The following KCTD3 variants were observed in gnomAD, a reference collection of about 807,000 sequenced individuals.
The protein encoded by KCTD3 is BTB/POZ domain-containing protein KCTD3.
KCTD3 carries 41 observed loss-of-function variants against 85.8 expected under a neutral mutation model. The observed-to-expected ratio is 0.48, with a 90% CI of 0.37 to 0.62. The LOEUF (loss-of-function observed/expected upper bound fraction) is 0.62, where lower values mean the gene tolerates loss of function less well. KCTD3 is among the 20% of genes least tolerant of loss of function. KCTD3 has a pLI of 0.00. For synonymous variants in KCTD3, 338 were observed against 345.4 expected (o/e 0.98, Z 0.24); for missense variants, 724 against 989.9 (o/e 0.73, Z 3.60).
intron 3 of KCTD3, 48 bp downstream of exon 3, chr1:215,574,166 T>C (rs756257395): frequency 5.2e-6 from 6 of 1,156,052 alleles, no homozygotes; most frequent in Non-Finnish European, 6.4e-6. Flanking sequence ...ATGCTTATAG[T>C]GCTTGGTCCT....
In KCTD3 at chr1:215,611,984, G is replaced by T. The variant is rs575361692; in HGVS notation, c.1562+63G>T. On this transcript the variant is annotated intron_variant, in intron 15 of 17. Coordinates refer to ENST00000259154, the MANE Select transcript of KCTD3 (RefSeq NM_016121.5). ...CACCTTTTGTCTTACAAAACATATG[G>T]CATAATTTGACATATTGACCAAAGA... 24 of 1,097,014 alleles carry T rather than the reference G, an allele frequency of 2.2e-5. No individual in the cohort carries two copies. In the African/African-American group the frequency reaches 2.9e-4, roughly 13 times the overall value. The allele number at this position is 1,097,014 out of a possible 1,614,324, so 68.0% of individuals were successfully genotyped here.
At position 215,573,831 on chromosome 1, in the gene KCTD3, T is replaced by G; in HGVS notation, c.129T>G (p.Phe43Leu). 1 of 1,559,894 alleles carries G rather than the reference T, an allele frequency of 6.4e-7. No homozygotes were observed. Among genetic ancestry groups the G allele is most frequent in the Non-Finnish European group, 8.8e-7 (1 of 1,136,628 alleles). The change falls in exon 2 of 18, where the codon TTT (phenylalanine) becomes TTG (leucine). Residue 43 changes from phenylalanine to leucine, a missense_variant. Around this residue, in one of 6 missense-constraint regions of KCTD3, gnomAD observed 97 missense variants for 115.7 expected, o/e 0.84. Transcript: ENST00000259154. ...CTCTTATGTGGATTCCAGATTCTTT[T>G]TTTTCCAGGTATGTCTTATAATTCT... is the stretch of plus-strand genomic sequence containing the variant. ...RQTLMWIPDS[F>L]FSSLLSGRIS...
intron 9 of KCTD3, among the ~76,000 whole-genome samples, chr1:215,588,308 A>G (rs777795720): frequency 9.2e-5 from 14 of 152,202 alleles, no homozygotes; most frequent in South Asian, 6.2e-4. Context: ...TATAGTTGAA[A>G]TTAAGTTTTT....
At chr1:215,610,297 T>C (rs1012879706) in intron 14 of KCTD3, among the ~76,000 whole-genome samples, 4 of 151,880 alleles carry the variant, frequency 2.6e-5, no homozygotes, top group African/African-American at 9.7e-5. Context: ...CACATGATCT[T>C]AGCCAAAAGG....
Position 215,578,985 on chromosome 1 carries a change from T to G in KCTD3, c.398-15T>G. 1 of 1,509,030 alleles carries G rather than the reference T, an allele frequency of 6.6e-7. No homozygotes were observed. Among genetic ancestry groups the G allele is most frequent in the Non-Finnish European group, 8.9e-7 (1 of 1,127,438 alleles). 93.5% of individuals were successfully genotyped at this position (1,509,030 alleles called of 1,614,324 possible). A position where few individuals can be genotyped will look rare whatever the true frequency, so the allele number is the denominator to read the frequency against. On this transcript the variant is annotated splice_polypyrimidine_tract_variant and intron_variant, in intron 6 of 17. Transcript: ENST00000259154. ...TGAACTTAGGAATGTATTTGTTTTC[T>G]TCTTCTCTTTATAGGTATTCCTAGT...
At chr1:215,606,230 A>G (rs944012392) in intron 13 of KCTD3, among the ~76,000 whole-genome samples, 1 of 152,078 alleles carries the variant, frequency 6.6e-6, no homozygotes, top group African/African-American at 2.4e-5. Flanking sequence ...CATTCTTGTC[A>G]TTCTGGTGCC....
At chr1:215,574,889 T>G (rs1317922644) in intron 3 of KCTD3, among the ~76,000 whole-genome samples, 3 of 152,252 alleles carry the variant, frequency 2.0e-5, no homozygotes, top group Admixed American at 1.3e-4. Flanking sequence ...TTAAAAGATG[T>G]TCCGTTTTTA....
In KCTD3 at chr1:215,573,824, A is replaced by T. The variant is rs760324422; in HGVS notation, c.122A>T (p.Asp41Val). ...TSRQTLMWIP[D>V]SFFSSLLSGR... is the part of the protein sequence containing the mutation. ...AGACAAACTCTTATGTGGATTCCAG[A>T]TTCTTTTTTTTCCAGGTATGTCTTA... Residue 41 changes from aspartate to valine, a missense_variant, in exon 2 of 18, where the codon GAT becomes GTT. Coordinates refer to ENST00000259154, the MANE Select transcript of KCTD3 (RefSeq NM_016121.5). 1 of 1,571,166 alleles carries T rather than the reference A, an allele frequency of 6.4e-7. No homozygotes were observed.
At chr1:215,606,735 G>T (rs1655037034) in intron 13 of KCTD3, among the ~76,000 whole-genome samples, 1 of 151,908 alleles carries the variant, frequency 6.6e-6, no homozygotes, top group Non-Finnish European at 1.5e-5. Flanking sequence ...AAAAAATCTG[G>T]AGTATTTTGT....
intron 15 of KCTD3, among the ~76,000 whole-genome samples, chr1:215,615,043 G>C (rs1214126680): frequency 6.6e-6 from 1 of 151,348 alleles, no homozygotes; most frequent in Non-Finnish European, 1.5e-5. Context: ...CCCCCTTTCT[G>C]TTATTTCTAA....
intron 9 of KCTD3, 66 bp downstream of exon 9, chr1:215,586,751 T>A: frequency 7.7e-7 from 1 of 1,293,590 alleles, no homozygotes; most frequent in Non-Finnish European, 1.1e-6. Context: ...TAAAAGAGAT[T>A]GACACTGAAT....
intron 8 of KCTD3, among the ~76,000 whole-genome samples, chr1:215,582,134 T>C (rs922648587): frequency 6.6e-6 from 1 of 152,270 alleles, no homozygotes; most frequent in Non-Finnish European, 1.5e-5. Flanking sequence ...CTTTTTTGTA[T>C]GTGGTATGAG....
chr1:215,577,427 A>G lies in KCTD3; in HGVS notation c.258-243A>G, dbSNP rs1294911946. ...CCCTAATCTCTCCTTTAGTGACCCA[A>G]TTCATATATATGTATATATATGAAT... is the stretch of plus-strand genomic sequence containing the variant. On this transcript the variant is annotated intron_variant, in intron 4 of 17. Coordinates refer to ENST00000259154, the MANE Select transcript of KCTD3 (RefSeq NM_016121.5). Among the ~76,000 whole-genome samples, 5 of 152,104 alleles carry G rather than the reference A, an allele frequency of 3.3e-5. No individual in the cohort carries two copies. The East Asian group carries it at 9.6e-4, about 29-fold the overall frequency.
At chr1:215,590,596 T>A (rs1660173737) in intron 9 of KCTD3, among the ~76,000 whole-genome samples, 1 of 152,234 alleles carries the variant, frequency 6.6e-6, no homozygotes, top group Non-Finnish European at 1.5e-5. Flanking sequence ...TAATGTCTTT[T>A]ATACTTCTAC....
At chr1:215,606,384 T>C (rs542511848) in intron 13 of KCTD3, among the ~76,000 whole-genome samples, 16 of 152,220 alleles carry the variant, frequency 1.1e-4, no homozygotes, top group Admixed American at 8.5e-4. Flanking sequence ...TATTTGCTTG[T>C]TTATTATCTC....
At chr1:215,619,531 C>T (rs1405852581) in intron 17 of KCTD3, among the ~76,000 whole-genome samples, 5 of 152,012 alleles carry the variant, frequency 3.3e-5, no homozygotes, top group Admixed American at 2.6e-4. Context: ...CAATTGGAAG[C>T]CTATTATGTG....
chr1:215,586,620 C>T lies in KCTD3; in HGVS notation c.752C>T (p.Ala251Val). Residue 251 changes from alanine (A) to valine (V), a missense_variant, in exon 9 of 18, where the codon GCT becomes GTT. Ala to Val is a moderately conservative substitution (Grantham distance 64, BLOSUM62 0). Around this residue, in one of 6 missense-constraint regions of KCTD3, gnomAD observed 146 missense variants for 320.3 expected, o/e 0.46. Transcript: ENST00000259154. ...GPHGDKDKMV[A>V]VASESSIILW... ...CATGGAGACAAAGACAAAATGGTTG[C>T]TGTTGCCTCAGAGAGTAGCATCATC... is the stretch of plus-strand genomic sequence containing the variant. 6.2e-7 allele frequency: 1 copy of T among 1,614,038 alleles called. No homozygotes were observed. The highest frequency in any genetic ancestry group is 8.5e-7 in the Non-Finnish European group (1 of 1,179,974).
At chr1:215,582,336 G>A (rs993371190) in intron 8 of KCTD3, among the ~76,000 whole-genome samples, 1 of 151,890 alleles carries the variant, frequency 6.6e-6, no homozygotes. Flanking sequence ...TTGAGGTGAA[G>A]TATGTTCATA....
At chr1:215,580,915 T>C (rs568152669) in intron 8 of KCTD3, 1 of 460,922 alleles carries the variant, frequency 2.2e-6, no homozygotes, top group East Asian at 7.4e-5. Flanking sequence ...ATATCAGTAA[T>C]CTCAGGTTTA....
Sources: allele counts gnomAD v4.1 joint callset (sites outside exome capture counted in the v4.1 genomes callset), GRCh38; gene constraint gnomAD v4.1.1; regional missense constraint gnomAD v4.1.1; transcripts MANE v1.5; gene names NCBI Gene and HGNC (gene_info 2026-07-23, HGNC 2026-07-21).